Variants in PTPRM observed in about 807,000 individuals in gnomAD.
PTPRM encodes the protein protein tyrosine phosphatase receptor type M.
PTPRM carries 47 observed loss-of-function variants against 186.7 expected under a neutral mutation model. That is an observed-to-expected ratio of 0.25 (90% confidence interval 0.20 to 0.32). The LOEUF (loss-of-function observed/expected upper bound fraction) is 0.32, where lower values mean the gene tolerates loss of function less well. PTPRM is among the 10% of genes least tolerant of loss of function. The pLI, the probability that PTPRM is intolerant of heterozygous loss-of-function variation, is 1.00. For missense variants in PTPRM, 1,494 were observed against 1,865.0 expected, an observed-to-expected ratio of 0.80 and a Z score of 3.66; for synonymous variants, 668 against 674.9, an observed-to-expected ratio of 0.99 and a Z score of 0.16.
intron 1 of PTPRM, among the ~76,000 whole-genome samples, chr18:7,589,865 C>A (rs1402509747): frequency 6.6e-6 from 1 of 152,112 alleles, no homozygotes; most frequent in Non-Finnish European, 1.5e-5. Flanking sequence ...GCTGAATTCG[C>A]ACCTTATTCC....
intron 6 of PTPRM, among the ~76,000 whole-genome samples, chr18:7,950,384 G>A (rs544600142): frequency 1.3e-5 from 2 of 152,276 alleles, no homozygotes; most frequent in East Asian, 3.9e-4. Context: ...AGCCAACCTG[G>A]ACAGAGTGAG....
chr18:8,072,423 G>T (rs1202846629), intron 8 of PTPRM, among the ~76,000 whole-genome samples: 2 of 152,142 alleles, frequency 1.3e-5, no homozygotes. Flanking sequence ...GCTGGAGCAT[G>T]CATTACTTCC....
At chr18:8,113,150 T>C (rs1568361740) in intron 11 of PTPRM, among the ~76,000 whole-genome samples, 1 of 152,232 alleles carries the variant, frequency 6.6e-6, no homozygotes, top group Non-Finnish European at 1.5e-5. Flanking sequence ...TAATTATCTG[T>C]AAAATCATCG....
rs373902112 is a variant in PTPRM, at chr18:7,949,172, T to C, written c.664-9T>C. 359 of 1,589,680 alleles carry C rather than the reference T, an allele frequency of 2.3e-4. No homozygotes were observed. The African/African-American group carries it at 4.2e-3, about 19-fold the overall frequency. On this transcript the variant is annotated splice_polypyrimidine_tract_variant and intron_variant, in intron 5 of 32. Transcript: ENST00000580170. ...CTTCTTTTTGTCCTCCCCACCCCAC[T>C]TGATACAGGGCATTGATGTGCGAGA... is the stretch of plus-strand genomic sequence containing the variant.
intron 14 of PTPRM, among the ~76,000 whole-genome samples, chr18:8,220,364 C>CT (rs1210809259): frequency 6.6e-6 from 1 of 152,162 alleles, no homozygotes; most frequent in African/African-American, 2.4e-5. Context: ...TATCAGAGTT[C>CT]TTTTACATAG....
chr18:7,641,279 A>G (rs2038436528), intron 1 of PTPRM, among the ~76,000 whole-genome samples: 1 of 152,212 alleles, frequency 6.6e-6, no homozygotes, highest in Admixed American at 6.5e-5. Context: ...GTGTGTATGT[A>G]CGTGTGTCTG....
chr18:8,203,977 A>AC (rs1254851119), intron 14 of PTPRM, among the ~76,000 whole-genome samples: 1 of 152,076 alleles, frequency 6.6e-6, no homozygotes, highest in African/African-American at 2.4e-5. Context: ...ACACCCAGCG[A>AC]CCTCCAGAGT....
At chr18:8,072,053 A>T (rs1312027667) in intron 8 of PTPRM, among the ~76,000 whole-genome samples, 1 of 152,202 alleles carries the variant, frequency 6.6e-6, no homozygotes, top group South Asian at 2.1e-4. Flanking sequence ...TGTTATTTGT[A>T]TGTATTTTTT....
chr18:7,954,022 A>G lies in PTPRM; in HGVS notation c.839-1099A>G, dbSNP rs374548909. Among the ~76,000 whole-genome samples the G allele has an allele frequency of 1.3e-4, 20 of 152,270 alleles. No homozygotes were observed. The East Asian group carries it at 2.3e-3, about 18-fold the overall frequency. ...AGATTTATGTTTTTCTGAGAGGGAG[A>G]TTTATGCCGGTAGAAATACGTTGTT... is the stretch of plus-strand genomic sequence containing the variant. On this transcript the variant is annotated intron_variant, in intron 6 of 32. Transcript: ENST00000580170.
At chr18:7,964,192 C>T (rs753275677) in intron 7 of PTPRM, among the ~76,000 whole-genome samples, 2 of 152,150 alleles carry the variant, frequency 1.3e-5, no homozygotes, top group African/African-American at 2.4e-5. Context: ...TCTGTATGTA[C>T]TGCATACGTA....
intron 3 of PTPRM, among the ~76,000 whole-genome samples, chr18:7,899,096 C>T (rs2049522776): frequency 6.6e-6 from 1 of 152,200 alleles, no homozygotes; most frequent in Admixed American, 6.5e-5. Context: ...TAAGGCTCAT[C>T]TTAGCGTCCT....
At chr18:7,649,608 G>A (rs112649826) in intron 1 of PTPRM, among the ~76,000 whole-genome samples, 98 of 152,228 alleles carry the variant, frequency 6.4e-4, no homozygotes, top group African/African-American at 2.3e-3. Context: ...GATGAGTTCA[G>A]GACTTCAGTG....
intron 7 of PTPRM, among the ~76,000 whole-genome samples, chr18:8,063,645 A>G (rs560554577): frequency 1.3e-5 from 2 of 152,050 alleles, no homozygotes; most frequent in Non-Finnish European, 2.9e-5. Context: ...TTTATTTTTT[A>G]TGGATTTAGG....
Position 7,746,031 on chromosome 18 carries a change from T to G in PTPRM, c.74-28118T>G, listed in dbSNP as rs2040978151. 2.0e-5 allele frequency among the ~76,000 whole-genome samples: 3 copies of G among 152,070 alleles called. No homozygotes were observed. The South Asian group carries it at 6.2e-4, about 32-fold the overall frequency. ...TGGTGAATATAACCTAATATGGAAA[T>G]GGAGTCCCAGAAAAAGAGGAGAGAA... On this transcript the variant is annotated intron_variant, in intron 1 of 32. Transcript: ENST00000580170.
intron 1 of PTPRM, among the ~76,000 whole-genome samples, chr18:7,764,334 A>G (rs750188584): frequency 6.6e-6 from 1 of 152,234 alleles, no homozygotes; most frequent in Non-Finnish European, 1.5e-5. Flanking sequence ...TAATCTGCAT[A>G]TGTAGAGCAC....
chr18:7,889,868 C>G (rs2048980613), intron 3 of PTPRM, among the ~76,000 whole-genome samples: 1 of 152,162 alleles, frequency 6.6e-6, no homozygotes, highest in Admixed American at 6.5e-5. Flanking sequence ...CAAGACCTGT[C>G]CTGTTATTTT....
intron 4 of PTPRM, among the ~76,000 whole-genome samples, chr18:7,910,265 C>G (rs779499862): frequency 6.6e-6 from 1 of 152,278 alleles, no homozygotes; most frequent in Non-Finnish European, 1.5e-5. Context: ...AGACCCACTA[C>G]CCATTAATAG....
intron 5 of PTPRM, among the ~76,000 whole-genome samples, chr18:7,936,998 A>T (rs912224411): frequency 6.6e-6 from 1 of 152,138 alleles, no homozygotes; most frequent in Non-Finnish European, 1.5e-5. Context: ...ACTTGTTGGG[A>T]CACCCTCACT....
intron 20 of PTPRM, among the ~76,000 whole-genome samples, chr18:8,302,854 G>A (rs968817642): frequency 1.3e-5 from 2 of 152,002 alleles, no homozygotes; most frequent in African/African-American, 4.8e-5. Context: ...AACCAGCTGT[G>A]GAGAGGAGCT....
Sources: allele counts gnomAD v4.1 joint callset (sites outside exome capture counted in the v4.1 genomes callset), GRCh38; gene constraint gnomAD v4.1.1; transcripts MANE v1.5; gene names NCBI Gene and HGNC (gene_info 2026-07-23, HGNC 2026-07-21).